The following MAGI1 variants were observed in gnomAD, a reference collection of about 807,000 sequenced individuals.
MAGI1 encodes the protein membrane associated guanylate kinase, WW and PDZ domain containing 1, also known as membrane-associated guanylate kinase, WW and PDZ domain-containing protein 1.
Under a neutral mutation model 139.9 loss-of-function variants are expected in MAGI1, and 58 were observed. The observed-to-expected ratio is 0.41, with a 90% CI of 0.34 to 0.52. The LOEUF is 0.52. MAGI1 is among the 20% of genes least tolerant of loss of function. MAGI1 has a pLI of 0.12. For missense variants in MAGI1, 1,874 were observed against 1,901.6 expected (o/e 0.99, Z 0.27); for synonymous variants, 812 against 737.9 (o/e 1.10, Z -1.63).
intron 1 of MAGI1, among the ~76,000 whole-genome samples, chr3:65,754,805 T>C (rs6789625): frequency 0.017 from 2,655 of 152,298 alleles, 80 homozygotes; most frequent in African/African-American, 0.06. Flanking sequence ...AGACTAAATC[T>C]TGGAGATTAA....
At chr3:65,663,464 CT>C (rs1279901429) in intron 1 of MAGI1, among the ~76,000 whole-genome samples, 1 of 152,126 alleles carries the variant, frequency 6.6e-6, no homozygotes, top group African/African-American at 2.4e-5. Context: ...CAATTAACAT[CT>C]TAAAAATAAA....
intron 1 of MAGI1, among the ~76,000 whole-genome samples, chr3:65,997,655 C>G (rs2066521426): frequency 6.6e-6 from 1 of 151,712 alleles, no homozygotes; most frequent in Non-Finnish European, 1.5e-5. Flanking sequence ...GACTCCGTCT[C>G]AAAAAGAAAA....
At chr3:65,768,753 T>C (rs2037702160) in intron 1 of MAGI1, among the ~76,000 whole-genome samples, 1 of 152,206 alleles carries the variant, frequency 6.6e-6, no homozygotes, top group Non-Finnish European at 1.5e-5. Context: ...TGAACCTTCC[T>C]ACAATTTAAT....
At chr3:65,463,573 T>A (rs1008600441) in intron 5 of MAGI1, among the ~76,000 whole-genome samples, 13 of 149,760 alleles carry the variant, frequency 8.7e-5, no homozygotes, top group Admixed American at 1.3e-4. Context: ...TGTGTGTGTG[T>A]GTGTGTGTGT....
rs541374018 is a variant in MAGI1, at chr3:65,881,117, C to T, written c.313+156879G>A. Reference sequence around the variant, plus strand: ...CCTAGGCTGGTCTTGAACTCCTGAGCTCAAGCGATCCACCTGCCTCAGCCT... The same window carrying T: ...CCTAGGCTGGTCTTGAACTCCTGAGTTCAAGCGATCCACCTGCCTCAGCCT... On this transcript the variant is annotated intron_variant, in intron 1 of 22. Coordinates refer to ENST00000402939, the MANE Select transcript of MAGI1 (RefSeq NM_001033057.2). Among the ~76,000 whole-genome samples, 6 of 152,120 alleles carry T rather than the reference C, an allele frequency of 3.9e-5. No individual in the cohort carries two copies. The East Asian group carries it at 1.2e-3, about 30-fold the overall frequency.
At chr3:65,472,694 C>A (rs1272476752) in intron 4 of MAGI1, among the ~76,000 whole-genome samples, 1 of 152,124 alleles carries the variant, frequency 6.6e-6, no homozygotes, top group East Asian at 1.9e-4. Context: ...AGTGCCAGGC[C>A]AGAGATGCAA....
intron 1 of MAGI1, among the ~76,000 whole-genome samples, chr3:65,834,141 T>C (rs771321428): frequency 2.0e-5 from 3 of 152,184 alleles, no homozygotes; most frequent in Non-Finnish European, 4.4e-5. Context: ...TAATAAGTGC[T>C]AAGAAGAAAA....
chr3:65,757,147 G>A (rs370178374), intron 1 of MAGI1, among the ~76,000 whole-genome samples: 3 of 152,276 alleles, frequency 2.0e-5, no homozygotes, highest in African/African-American at 7.2e-5. Flanking sequence ...GTAACTTGGA[G>A]AGAAAAATAT....
intron 1 of MAGI1, among the ~76,000 whole-genome samples, chr3:65,721,251 C>T (rs1327767155): frequency 6.6e-6 from 1 of 152,160 alleles, no homozygotes; most frequent in Non-Finnish European, 1.5e-5. Context: ...TGTTACTTCC[C>T]TCCCTTTCCA....
intron 5 of MAGI1, among the ~76,000 whole-genome samples, chr3:65,466,754 G>A (rs926706126): frequency 6.6e-6 from 1 of 152,156 alleles, no homozygotes; most frequent in Non-Finnish European, 1.5e-5. Context: ...AAATCTATGT[G>A]GAAATAAGGG....
chr3:66,023,843 A>G (rs1446445801), intron 1 of MAGI1, among the ~76,000 whole-genome samples: 1 of 152,216 alleles, frequency 6.6e-6, no homozygotes, highest in Non-Finnish European at 1.5e-5. Context: ...TCACGTGAAC[A>G]TCAATTTCAA....
chr3:66,018,736 G>C (rs993245779), intron 1 of MAGI1, among the ~76,000 whole-genome samples: 1 of 152,182 alleles, frequency 6.6e-6, no homozygotes, highest in African/African-American at 2.4e-5. Context: ...AGCCACCTGA[G>C]CTCTGACTCT....
chr3:65,793,381 T>C lies in MAGI1; in HGVS notation c.314-171293A>G, dbSNP rs890669499. 5.9e-5 allele frequency among the ~76,000 whole-genome samples: 9 copies of C among 152,212 alleles called. 1 individual carries two copies. The highest frequency in any genetic ancestry group is 3.3e-4 in the Admixed American group (5 of 15,282). On this transcript the variant is annotated intron_variant, in intron 1 of 22. Transcript: ENST00000402939. ...GAGATGAACTCTCATTCACAGAGTCTGGGGCAATTAAACCAATTACTTTCC... is the reference window on the plus strand; with the variant it reads ...GAGATGAACTCTCATTCACAGAGTCCGGGGCAATTAAACCAATTACTTTCC...
intron 1 of MAGI1, among the ~76,000 whole-genome samples, chr3:65,998,084 C>T (rs1016290153): frequency 1.4e-5 from 2 of 143,568 alleles, no homozygotes; most frequent in African/African-American, 5.2e-5. Flanking sequence ...GCCTGGGCGA[C>T]AGAGCTAGAC....
intron 1 of MAGI1, among the ~76,000 whole-genome samples, chr3:65,668,744 G>T (rs1263270079): frequency 3.3e-5 from 5 of 151,152 alleles, no homozygotes; most frequent in Non-Finnish European, 5.9e-5. Context: ...AGTAGAGACG[G>T]GGTTTCACCA....
intron 1 of MAGI1, among the ~76,000 whole-genome samples, chr3:66,011,317 A>G (rs904072428): frequency 1.3e-5 from 2 of 152,214 alleles, no homozygotes; most frequent in African/African-American, 4.8e-5. Context: ...CGACGAAAAG[A>G]TAGGTTTGAA....
intron 1 of MAGI1, among the ~76,000 whole-genome samples, chr3:65,801,374 G>C (rs549456108): frequency 6.6e-6 from 1 of 152,346 alleles, no homozygotes; most frequent in East Asian, 1.9e-4. Context: ...AAAGTAGCTA[G>C]GTCTTGAAGT....
chr3:65,364,321 C>T (rs1044704892), intron 20 of MAGI1, among the ~76,000 whole-genome samples: 7 of 152,048 alleles, frequency 4.6e-5, no homozygotes, highest in South Asian at 2.1e-4. Context: ...AATTCTCAAG[C>T]CTGAAAAACA....
At chr3:65,791,788 C>T (rs1453631627) in intron 1 of MAGI1, among the ~76,000 whole-genome samples, 1 of 152,090 alleles carries the variant, frequency 6.6e-6, no homozygotes, top group Non-Finnish European at 1.5e-5. Context: ...ACTTCCATAG[C>T]AGAAAAACAT....
Sources: allele counts gnomAD v4.1 joint callset (sites outside exome capture counted in the v4.1 genomes callset), GRCh38; gene constraint gnomAD v4.1.1; transcripts MANE v1.5; gene names NCBI Gene and HGNC (gene_info 2026-07-23, HGNC 2026-07-21).